The following BRD4 variants were observed in gnomAD, a reference collection of about 807,000 sequenced individuals.
The protein encoded by BRD4 is bromodomain-containing protein 4.
Under a neutral mutation model 142.1 loss-of-function variants are expected in BRD4, and 16 were observed. That is an observed-to-expected ratio of 0.11 (90% CI 0.08 to 0.17). BRD4 has a LOEUF of 0.17. BRD4 is among the 10% of genes least tolerant of loss of function. The pLI is 1.00. For synonymous variants in BRD4, 833 were observed against 707.5 expected (o/e 1.18, Z -2.82); for missense variants, 1,424 against 1,810.9 (o/e 0.79, Z 3.88).
intron 1 of BRD4, among the ~76,000 whole-genome samples, chr19:15,316,098 G>C (rs1009641269): frequency 6.9e-6 from 1 of 144,600 alleles, no homozygotes; most frequent in Non-Finnish European, 1.5e-5. Context: ...AGAGCTTGCA[G>C]TGAGCCGAGA....
intron 11 of BRD4, chr19:15,248,192 A>G (rs2145534165): frequency 4.5e-6 from 1 of 220,098 alleles, no homozygotes; most frequent in African/African-American, 2.2e-5. Context: ...TGACCAAAAA[A>G]GGGCTGGTAT....
chr19:15,283,947 A>G (rs1422362723), intron 1 of BRD4, among the ~76,000 whole-genome samples: 3 of 152,190 alleles, frequency 2.0e-5, no homozygotes, highest in Non-Finnish European at 2.9e-5. Context: ...TGGGTGGGAA[A>G]GCCAAACTAG....
At chr19:15,245,449 A>C (rs2047277515) in intron 11 of BRD4, among the ~76,000 whole-genome samples, 1 of 152,226 alleles carries the variant, frequency 6.6e-6, no homozygotes, top group Admixed American at 6.5e-5. Context: ...GATGGACCTC[A>C]GAAGTCCCTG....
Position 15,298,884 on chromosome 19 carries a change from A to G in BRD4, c.-34-25751T>C, listed in dbSNP as rs549678872. On this transcript the variant is annotated intron_variant, in intron 1 of 19. Transcript: ENST00000679869. ...CAGGTCTCACACTAAGACATCCCCA[A>G]GCAGCCCAGGATAATTTCCTAGGAT... is the stretch of plus-strand genomic sequence containing the variant. Among the ~76,000 whole-genome samples the G allele has an allele frequency of 1.8e-4, 27 of 152,248 alleles. 1 individual carries two copies. In the South Asian group the frequency reaches 5.4e-3, roughly 30 times the overall value.
intron 1 of BRD4, among the ~76,000 whole-genome samples, chr19:15,298,428 G>A (rs2047840921): frequency 6.6e-6 from 1 of 151,938 alleles, no homozygotes; most frequent in African/African-American, 2.4e-5. Context: ...ACGAGCTCAG[G>A]AGATCAAGAC....
At chr19:15,290,562 CA>C (rs2047774388) in intron 1 of BRD4, among the ~76,000 whole-genome samples, 1 of 152,140 alleles carries the variant, frequency 6.6e-6, no homozygotes, top group Non-Finnish European at 1.5e-5. Context: ...GAACACCACC[CA>C]AACAGATGTG....
rs4616406 is a variant in BRD4 at position 15,315,205 on chromosome 19, C to A, written c.-35+17085G>T. On this transcript the variant is annotated intron_variant, in intron 1 of 19. Transcript: ENST00000679869. ...GAGCCAATTTCCTACTGAATGAGAT[C>A]ACGTGTCATTTTACGAAGTCAAAGA... 3.8e-3 allele frequency among the ~76,000 whole-genome samples: 576 copies of A among 151,998 alleles called. 6 individuals are homozygous for A. The highest frequency in any genetic ancestry group is 0.013 in the African/African-American group (543 of 41,440).
chr19:15,316,787 C>T (rs1429352950), intron 1 of BRD4, among the ~76,000 whole-genome samples: 1 of 152,190 alleles, frequency 6.6e-6, no homozygotes, highest in Non-Finnish European at 1.5e-5. Context: ...AGTCAGCATT[C>T]TGCATCCCTC....
At chr19:15,322,334 C>T (rs1037682330) in intron 1 of BRD4, among the ~76,000 whole-genome samples, 1 of 152,018 alleles carries the variant, frequency 6.6e-6, no homozygotes. Context: ...TGCAGTGACA[C>T]GATCTCGGCT....
At position 15,322,554 on chromosome 19, in the gene BRD4, CA is replaced by C. The variant is rs35831959; in HGVS notation, c.-35+9735del. Among the ~76,000 whole-genome samples, 920 of 124,202 alleles carry C rather than the reference CA, an allele frequency of 7.4e-3. 10 individuals carry two copies. The highest frequency in any genetic ancestry group is 0.022 in the African/African-American group (697 of 31,790). 81.5% of individuals were successfully genotyped at this position (124,202 alleles called of 152,430 possible). A position where few individuals can be genotyped will look rare whatever the true frequency, so the allele number is the denominator to read the frequency against. On this transcript the variant is annotated intron_variant, in intron 1 of 19. Transcript: ENST00000679869. ...GAAACCCCGTCTCTACTAAAACATA[CA>C]AAAAAAAAAAAAATTAGCCAGGCGT...
intron 1 of BRD4, among the ~76,000 whole-genome samples, chr19:15,316,416 CCT>C (rs1223919292): frequency 5.9e-5 from 9 of 151,754 alleles, no homozygotes; most frequent in Non-Finnish European, 1.2e-4. Context: ...GTGGTGAAAC[CCT>C]GTCTCTAATA....
At chr19:15,241,535 C>A (rs939846941) in intron 14 of BRD4, among the ~76,000 whole-genome samples, 1 of 152,234 alleles carries the variant, frequency 6.6e-6, no homozygotes, top group African/African-American at 2.4e-5. Context: ...CCCATCCTAG[C>A]CTGCTGGGGC....
intron 1 of BRD4, among the ~76,000 whole-genome samples, chr19:15,307,408 C>A (rs941894105): frequency 2.6e-5 from 4 of 152,162 alleles, no homozygotes; most frequent in African/African-American, 9.7e-5. Context: ...CAGATCACTG[C>A]CAATGTCTCC....
At position 15,239,497 on chromosome 19, in the gene BRD4, G is replaced by A. The variant is rs201012197; in HGVS notation, c.3471C>T (p.Val1157=). ...CTGGGGGCCGGATCACAGGCCTCCC[G>A]ACATCCACAGGCTTCATTTCCGGCC... ...PQRPEMKPVD[V]GRPVIRPPEQ... Residue 1157 remains valine, a synonymous_variant, in exon 17 of 20, where the codon GTC becomes GTT. Coordinates refer to ENST00000679869, the MANE Select transcript of BRD4 (RefSeq NM_001379291.1). The surrounding 1 kb of genome is among the most constrained non-coding windows in gnomAD (Gnocchi z 7.4). The A allele has an allele frequency of 2.6e-5, 42 of 1,613,546 alleles. No homozygotes were observed. The South Asian group carries it at 2.7e-4, about 11-fold the overall frequency.
rs534051131 is a variant in BRD4 at position 15,331,671 on chromosome 19, G to C, written c.-35+619C>G. ...CTCCGGGGACCGCCGGGAAGGTGAA[G>C]AGATGGGGGTGGGGGCGCGCTGCCC... On this transcript the variant is annotated intron_variant, in intron 1 of 19. Coordinates refer to ENST00000679869, the MANE Select transcript of BRD4 (RefSeq NM_001379291.1). Among the ~76,000 whole-genome samples the C allele has an allele frequency of 2.6e-5, 4 of 152,208 alleles. No homozygotes were observed. In the South Asian group the frequency reaches 8.3e-4, roughly 32 times the overall value.
intron 11 of BRD4, chr19:15,253,936 T>C: frequency 1.3e-6 from 1 of 747,348 alleles, no homozygotes; most frequent in South Asian, 1.8e-5. Context: ...AGGGAGAGCA[T>C]AACGGCCAGG....
rs1426964717 is a variant in BRD4, at chr19:15,243,091, G to A, written c.2978C>T (p.Pro993Leu). The A allele has an allele frequency of 4.0e-6, 6 of 1,499,002 alleles. No homozygotes were observed. Among genetic ancestry groups the A allele is most frequent in the South Asian group, 4.0e-5 (3 of 75,618 alleles). The allele number at this position is 1,499,002 out of a possible 1,614,324, so 92.9% of individuals were successfully genotyped here. The change falls in exon 14 of 20, where the codon CCT becomes CTT. Residue 993 changes from proline to leucine, a missense_variant. By Grantham distance (98) the Pro-to-Leu change is moderately conservative. Coordinates refer to ENST00000679869, the MANE Select transcript of BRD4 (RefSeq NM_001379291.1). ...GGGCTGCAAGTGCACGGGCCGTGGAGGGGGCTGATGCTGCTGCTGGGGTGG... is the reference window on the plus strand; with the variant it reads ...GGGCTGCAAGTGCACGGGCCGTGGAAGGGGCTGATGCTGCTGCTGGGGTGG... ...QPPPQQQHQP[P>L]PRPVHLQPMQ...
intron 1 of BRD4, among the ~76,000 whole-genome samples, chr19:15,304,710 G>T (rs143068424): frequency 1.4e-4 from 22 of 152,290 alleles, no homozygotes; most frequent in African/African-American, 5.3e-4. Context: ...ACTGAGACAT[G>T]GGGCTCAATG....
chr19:15,304,072 T>G (rs1168334732), intron 1 of BRD4, among the ~76,000 whole-genome samples: 2 of 152,242 alleles, frequency 1.3e-5, no homozygotes, highest in Admixed American at 6.5e-5. Flanking sequence ...ACCTTCATTA[T>G]GTCCTCTCCA....
Sources: gnomAD v4.1 joint callset for allele counts (sites outside exome capture counted in the v4.1 genomes callset) on GRCh38, gnomAD v4.1.1 for gene constraint, Gnocchi (gnomAD v3.1) non-coding constraint, MANE v1.5 for transcripts, NCBI Gene and HGNC (gene_info 2026-07-23, HGNC 2026-07-21) for gene names.